The following SLC12A8 variants were observed in gnomAD, a reference collection of about 807,000 sequenced individuals.
SLC12A8 encodes solute carrier family 12 member 8.
SLC12A8 carries 69 observed loss-of-function variants against 75.6 expected under a neutral mutation model. The observed-to-expected ratio is 0.91, with a 90% CI of 0.75 to 1.11. SLC12A8 has a LOEUF of 1.11. Ranked by LOEUF, SLC12A8 falls within the 50% of genes most tolerant of loss-of-function variation. The probability of loss-of-function intolerance (pLI) is 0.00; values close to 1 mark genes in which losing one functional copy is unlikely to be tolerated. For synonymous variants in SLC12A8, 365 were observed against 372.8 expected (o/e 0.98, Z 0.24); for missense variants, 877 against 896.7 (o/e 0.98, Z 0.28).
At chr3:125,211,162 T>C in intron 2 of SLC12A8, 137 bp downstream of exon 2, 1 of 748,554 alleles carries the variant, frequency 1.3e-6, no homozygotes, top group South Asian at 1.4e-5. Context: ...ATTTTCTCAT[T>C]GAACTGGATG....
intron 6 of SLC12A8, among the ~76,000 whole-genome samples, chr3:125,133,063 A>G (rs1383790510): frequency 2.0e-5 from 3 of 152,164 alleles, no homozygotes; most frequent in Non-Finnish European, 4.4e-5. Flanking sequence ...CAGGCTTGCA[A>G]TTCCCAAAGG....
At chr3:125,168,069 G>A (rs539026667) in intron 5 of SLC12A8, among the ~76,000 whole-genome samples, 9 of 152,226 alleles carry the variant, frequency 5.9e-5, no homozygotes, top group Non-Finnish European at 1.3e-4. Context: ...CTTAGGAAAT[G>A]GCTGGGGACA....
intron 13 of SLC12A8, among the ~76,000 whole-genome samples, chr3:125,085,161 G>A (rs926158103): frequency 3.3e-5 from 5 of 152,172 alleles, no homozygotes; most frequent in African/African-American, 4.8e-5. Context: ...TTCTATAAAG[G>A]CTGAATCTCC....
At chr3:125,092,939 A>C (rs1440542401) in intron 10 of SLC12A8, among the ~76,000 whole-genome samples, 1 of 152,142 alleles carries the variant, frequency 6.6e-6, no homozygotes, top group East Asian at 1.9e-4. Context: ...AGCCTCACCC[A>C]AATAGTGTAC....
intron 11 of SLC12A8, 149 bp from the exon 12 acceptor site, chr3:125,091,705 C>CA (rs932770958): frequency 6.6e-6 from 4 of 603,900 alleles, no homozygotes; most frequent in African/African-American, 5.6e-5. Context: ...ATGAAGAATT[C>CA]AAAAAACCTC....
chr3:125,162,457 G>A (rs1934196421), intron 5 of SLC12A8, among the ~76,000 whole-genome samples: 1 of 152,136 alleles, frequency 6.6e-6, no homozygotes, highest in African/African-American at 2.4e-5. Context: ...CTTAGATCAC[G>A]TCACCAGAGA....
intron 5 of SLC12A8, among the ~76,000 whole-genome samples, chr3:125,168,560 C>T (rs939698980): frequency 6.6e-6 from 1 of 152,152 alleles, no homozygotes; most frequent in Non-Finnish European, 1.5e-5. Flanking sequence ...GACTGAGCCC[C>T]GTGGCCTCCC....
At chr3:125,202,034 A>G (rs1935131400) in intron 2 of SLC12A8, among the ~76,000 whole-genome samples, 1 of 152,120 alleles carries the variant, frequency 6.6e-6, no homozygotes, top group Non-Finnish European at 1.5e-5. Context: ...CAGCCTCCTG[A>G]GTAGCTGGGA....
chr3:125,119,202 T>C (rs943185590), intron 7 of SLC12A8: 1 of 158,808 alleles, frequency 6.3e-6, no homozygotes, highest in African/African-American at 2.4e-5. Flanking sequence ...AGTGAGCAGT[T>C]TTTTTTCTCT....
chr3:125,150,164 A>G (rs140457825), intron 5 of SLC12A8, among the ~76,000 whole-genome samples: 1,695 of 152,324 alleles, frequency 0.011, 35 homozygotes, highest in South Asian at 0.019. Flanking sequence ...CATAATGGCC[A>G]AAGCAAAAAC....
intron 2 of SLC12A8, among the ~76,000 whole-genome samples, chr3:125,210,726 T>C (rs1166921374): frequency 6.6e-6 from 1 of 152,210 alleles, no homozygotes; most frequent in Non-Finnish European, 1.5e-5. Context: ...TGGGTGCACA[T>C]AGTTTCTGGA....
chr3:125,193,393 T>C (rs756321133), intron 2 of SLC12A8, among the ~76,000 whole-genome samples: 1 of 152,122 alleles, frequency 6.6e-6, no homozygotes, highest in Non-Finnish European at 1.5e-5. Context: ...TAGCAGCTTG[T>C]GTGTCCCCGC....
At chr3:125,175,118 G>A (rs1243867851) in intron 5 of SLC12A8, among the ~76,000 whole-genome samples, 1 of 152,138 alleles carries the variant, frequency 6.6e-6, no homozygotes, top group Non-Finnish European at 1.5e-5. Context: ...CTCTAAAAGT[G>A]AATTAATTTT....
intron 5 of SLC12A8, among the ~76,000 whole-genome samples, chr3:125,169,442 G>T (rs1560074631): frequency 6.6e-6 from 1 of 152,148 alleles, no homozygotes; most frequent in Non-Finnish European, 1.5e-5. Context: ...AGGACGATGA[G>T]AAGGACCCAC....
chr3:125,115,843 T>A (rs1185810229), intron 8 of SLC12A8, among the ~76,000 whole-genome samples: 1 of 152,008 alleles, frequency 6.6e-6, no homozygotes, highest in East Asian at 1.9e-4. Flanking sequence ...AGAAGAGGCC[T>A]TTTTTCAGGC....
chr3:125,177,607 C>A, intron 5 of SLC12A8, 136 bp downstream of exon 5: 1 of 670,824 alleles, frequency 1.5e-6, no homozygotes, highest in South Asian at 1.9e-5. Context: ...CTCACCTGAT[C>A]CAGGAACAGC....
At chr3:125,190,233 A>G (rs1560081284) in intron 3 of SLC12A8, 142 bp downstream of exon 3, 2 of 856,622 alleles carry the variant, frequency 2.3e-6, no homozygotes, top group South Asian at 1.8e-5. Context: ...AATGCTAGCT[A>G]TTCATCGTGC....
At chr3:125,136,266 TC>T (rs1048128888) in intron 5 of SLC12A8, among the ~76,000 whole-genome samples, 32 of 152,174 alleles carry the variant, frequency 2.1e-4, no homozygotes, top group Middle Eastern at 3.4e-3. Context: ...CCTTGCTTTT[TC>T]TCCTCCCCAG....
At chr3:125,181,374 G>A (rs1934653879) in intron 4 of SLC12A8, among the ~76,000 whole-genome samples, 1 of 150,834 alleles carries the variant, frequency 6.6e-6, no homozygotes. Context: ...GGCCGAGGCG[G>A]GTGGATCATG....
Sources: gnomAD v4.1 joint callset for allele counts (sites outside exome capture counted in the v4.1 genomes callset) on GRCh38, gnomAD v4.1.1 for gene constraint, MANE v1.5 for transcripts, NCBI Gene and HGNC (gene_info 2026-07-23, HGNC 2026-07-21) for gene names.